Variants in C1QTNF3 observed in about 807,000 individuals in gnomAD.
C1QTNF3 encodes complement C1q tumor necrosis factor-related protein 3.
In C1QTNF3, 26 loss-of-function variants were observed where a neutral mutation model predicts 32.6. The observed-to-expected ratio is 0.80, with a 90% confidence interval of 0.58 to 1.11. The LOEUF is 1.11. Ranked by LOEUF, C1QTNF3 falls within the 50% of genes least tolerant of loss-of-function variation. C1QTNF3 has a pLI of 0.00. For synonymous variants in C1QTNF3, 155 were observed against 146.0 expected (o/e 1.06, Z -0.44); for missense variants, 362 against 398.2 (o/e 0.91, Z 0.77).
At chr5:34,121,094 C>T in the C1QTNF3 span, among the ~76,000 whole-genome samples, 1 of 152,164 alleles carries the variant, frequency 6.6e-6, no homozygotes, top group Admixed American at 6.5e-5. Flanking sequence ...ATAAATGTCA[C>T]TGCTTTAGGA....
the C1QTNF3 span, among the ~76,000 whole-genome samples, chr5:34,113,876 A>T: frequency 3.3e-5 from 5 of 152,188 alleles, no homozygotes; most frequent in Non-Finnish European, 7.4e-5. Flanking sequence ...TGCAAAAACT[A>T]CTTATTAAAA....
chr5:34,020,679 C>A lies in C1QTNF3; in HGVS notation c.864G>T (p.Gly288=). 2.5e-6 allele frequency: 4 copies of A among 1,614,182 alleles called. No individual in the cohort carries two copies. In the African/African-American group the frequency reaches 4.0e-5, roughly 16 times the overall value. The change falls in exon 6 of 6, where the codon GGG becomes GGT. Residue 288 remains glycine, a synonymous_variant. Transcript: ENST00000382065. ...SNHAVLKLAK[G]DEVWLRMGNG... is the part of the protein sequence containing the mutation. ...TGCCCATTCGCAGCCAAACCTCATC[C>A]CCTTTGGCTAGCTTCAGCACAGCAT...
the C1QTNF3 span, among the ~76,000 whole-genome samples, chr5:34,142,354 C>T: frequency 6.6e-6 from 1 of 151,758 alleles, no homozygotes; most frequent in Non-Finnish European, 1.5e-5. Flanking sequence ...AACGCTTGAA[C>T]CTGGGAGGCA....
the C1QTNF3 span, among the ~76,000 whole-genome samples, chr5:34,140,664 G>GCATTTTCAAAATGCACCTCTTC: frequency 6.6e-6 from 1 of 152,176 alleles, no homozygotes; most frequent in Non-Finnish European, 1.5e-5. Context: ...TCTGCATTTT[G>GCATTTTCAAAATGCACCTCTTC]AAGAGGTGGT....
the C1QTNF3 span, among the ~76,000 whole-genome samples, chr5:34,147,079 A>C: frequency 7.9e-5 from 12 of 152,320 alleles, no homozygotes; most frequent in Admixed American, 6.5e-4. Flanking sequence ...AAAGAAATGC[A>C]AATCTATACC....
chr5:34,231,666 C>T, the C1QTNF3 span, among the ~76,000 whole-genome samples: 3 of 152,154 alleles, frequency 2.0e-5, no homozygotes, highest in Non-Finnish European at 4.4e-5. Context: ...TGAGGCTGGG[C>T]CTGTGGTTGT....
the C1QTNF3 span, among the ~76,000 whole-genome samples, chr5:34,159,821 T>C: frequency 6.6e-6 from 1 of 150,694 alleles, no homozygotes; most frequent in Admixed American, 6.6e-5. Flanking sequence ...AAAATTTAGA[T>C]AATTAAAGCA....
intron 4 of C1QTNF3, among the ~76,000 whole-genome samples, chr5:34,025,233 T>C (rs1203895593): frequency 6.6e-6 from 1 of 152,268 alleles, no homozygotes; most frequent in Non-Finnish European, 1.5e-5. Context: ...TATATGTGTT[T>C]AGTTTTTCAC....
the C1QTNF3 span, among the ~76,000 whole-genome samples, chr5:34,231,475 A>G: frequency 6.6e-6 from 1 of 152,224 alleles, no homozygotes; most frequent in South Asian, 2.1e-4. Flanking sequence ...TGATGACATA[A>G]TCAATATCAT....
intron 1 of C1QTNF3, among the ~76,000 whole-genome samples, chr5:34,042,272 A>ACAGGCTGAACAGAGAGGCTTAACAAT (rs1443020015): frequency 6.6e-6 from 1 of 152,118 alleles, no homozygotes; most frequent in African/African-American, 2.4e-5. Flanking sequence ...TCTTTTTAAA[A>ACAGGCTGAACAGAGAGGCTTAACAAT]CAGGCTGAAC....
chr5:34,112,140 G>A, the C1QTNF3 span, among the ~76,000 whole-genome samples: 4 of 152,168 alleles, frequency 2.6e-5, no homozygotes, highest in Non-Finnish European at 1.5e-5. Flanking sequence ...GAGTATAAAA[G>A]TAGTTGATTT....
chr5:34,154,315 A>G, the C1QTNF3 span, among the ~76,000 whole-genome samples: 1 of 152,146 alleles, frequency 6.6e-6, no homozygotes, highest in Non-Finnish European at 1.5e-5. Flanking sequence ...TATTTATTCA[A>G]TCATTCAAAT....
At chr5:34,095,875 G>T in the C1QTNF3 span, among the ~76,000 whole-genome samples, 2,028 of 150,120 alleles carry the variant, frequency 0.014, 54 homozygotes, top group African/African-American at 0.047. Context: ...AAGATCAAGA[G>T]AATACCACAG....
chr5:34,173,268 T>C, the C1QTNF3 span, among the ~76,000 whole-genome samples: 2 of 152,114 alleles, frequency 1.3e-5, no homozygotes, highest in Non-Finnish European at 2.9e-5. Context: ...GCACAGTGCC[T>C]AGAATGTACA....
At chr5:34,064,605 G>A in the C1QTNF3 span, among the ~76,000 whole-genome samples, 1 of 152,174 alleles carries the variant, frequency 6.6e-6, no homozygotes, top group African/African-American at 2.4e-5. Context: ...TGCCTCGCTG[G>A]ATCAGGAGTG....
At chr5:34,154,470 A>G in the C1QTNF3 span, among the ~76,000 whole-genome samples, 1 of 152,196 alleles carries the variant, frequency 6.6e-6, no homozygotes, top group African/African-American at 2.4e-5. Flanking sequence ...AACTCTGTCT[A>G]CATCTTTAGT....
At chr5:34,209,565 T>C in the C1QTNF3 span, among the ~76,000 whole-genome samples, 4 of 151,990 alleles carry the variant, frequency 2.6e-5, no homozygotes, top group Admixed American at 6.5e-5. Context: ...AAAATCTTTG[T>C]CTTGATCTCA....
the C1QTNF3 span, among the ~76,000 whole-genome samples, chr5:34,155,174 C>G: frequency 1.3e-3 from 203 of 152,150 alleles, no homozygotes; most frequent in Non-Finnish European, 2.5e-3. Context: ...AAAAGAAATG[C>G]AAATTATGTT....
At chr5:34,076,012 T>G in the C1QTNF3 span, among the ~76,000 whole-genome samples, 2 of 151,330 alleles carry the variant, frequency 1.3e-5, no homozygotes, top group Non-Finnish European at 2.9e-5. Context: ...ATGAAATAAA[T>G]CAGTCACAAA....
Sources: gnomAD v4.1 joint callset for allele counts (sites outside exome capture counted in the v4.1 genomes callset) on GRCh38, gnomAD v4.1.1 for gene constraint, MANE v1.5 for transcripts, NCBI Gene and HGNC (gene_info 2026-07-23, HGNC 2026-07-21) for gene names.